Variants in SLC24A2 observed in about 807,000 individuals in gnomAD.
SLC24A2 encodes solute carrier family 24 member 2.
A neutral mutation model predicts 62.0 loss-of-function variants in SLC24A2; 36 were observed. That is an observed-to-expected ratio of 0.58 (90% CI 0.44 to 0.77). The LOEUF (loss-of-function observed/expected upper bound fraction) is 0.77. Among genes scored for constraint, SLC24A2 ranks in the 30% least tolerant of loss-of-function variants. The pLI, the probability that SLC24A2 is intolerant of heterozygous loss-of-function variation, is 0.00. For missense variants in SLC24A2, 846 were observed against 817.9 expected (o/e 1.03, Z -0.42); for synonymous variants, 358 against 294.0 (o/e 1.22, Z -2.23).
chr9:19,636,335 C>CTTTCTTTCTTTG, intron 2 of SLC24A2, among the ~76,000 whole-genome samples: 1 of 24,058 alleles, frequency 4.2e-5, no homozygotes, highest in Middle Eastern at 0.019. Context: ...TTCTTTCTTT[C>CTTTCTTTCTTTG]TTTCTTTCTT....
intron 4 of SLC24A2, among the ~76,000 whole-genome samples, chr9:19,601,536 C>T (rs1350945897): frequency 6.6e-6 from 1 of 152,164 alleles, no homozygotes; most frequent in African/African-American, 2.4e-5. Context: ...TTCTGGAAGT[C>T]AGAGAGACCA....
chr9:19,763,463 T>C (rs559036576), intron 2 of SLC24A2, among the ~76,000 whole-genome samples: 24 of 152,352 alleles, frequency 1.6e-4, no homozygotes, highest in Non-Finnish European at 4.4e-5. Flanking sequence ...TTGTCATAAA[T>C]AGCTCTTATT....
At chr9:19,718,961 G>A (rs906137235) in intron 2 of SLC24A2, among the ~76,000 whole-genome samples, 1 of 152,202 alleles carries the variant, frequency 6.6e-6, no homozygotes, top group East Asian at 1.9e-4. Context: ...AACTATTTGA[G>A]AAAGAAGAAT....
intron 7 of SLC24A2, among the ~76,000 whole-genome samples, chr9:19,559,982 C>T (rs895677574): frequency 6.6e-6 from 1 of 152,164 alleles, no homozygotes; most frequent in African/African-American, 2.4e-5. Flanking sequence ...CCTGACCTCA[C>T]AATCTCTAAG....
the SLC24A2 span, among the ~76,000 whole-genome samples, chr9:19,953,147 G>C: frequency 2.0e-5 from 3 of 151,792 alleles, no homozygotes; most frequent in African/African-American, 7.2e-5. Flanking sequence ...GGTAATTTGT[G>C]TCTTCCCTGT....
At chr9:19,861,361 C>T in the SLC24A2 span, among the ~76,000 whole-genome samples, 10 of 152,326 alleles carry the variant, frequency 6.6e-5, no homozygotes, top group African/African-American at 2.4e-4. Context: ...TACAAGTCTG[C>T]AAGAACCACA....
At chr9:19,883,078 G>T in the SLC24A2 span, among the ~76,000 whole-genome samples, 1 of 152,124 alleles carries the variant, frequency 6.6e-6, no homozygotes, top group South Asian at 2.1e-4. Flanking sequence ...AAACATTTGT[G>T]ACTTAGAATA....
At chr9:20,212,375 G>T in the SLC24A2 span, among the ~76,000 whole-genome samples, 1 of 151,782 alleles carries the variant, frequency 6.6e-6, no homozygotes, top group Non-Finnish European at 1.5e-5. Context: ...TTGGGGCCAG[G>T]CATGATGGCT....
chr9:20,164,557 A>C, the SLC24A2 span, among the ~76,000 whole-genome samples: 266 of 148,794 alleles, frequency 1.8e-3, 4 homozygotes, highest in African/African-American at 6.1e-3. Flanking sequence ...TAGTTCAACC[A>C]TTGTGGAAGT....
At chr9:20,289,179 G>A in the SLC24A2 span, among the ~76,000 whole-genome samples, 1 of 152,188 alleles carries the variant, frequency 6.6e-6, no homozygotes, top group East Asian at 1.9e-4. Flanking sequence ...GGGGCAGTTT[G>A]TGATACAGCC....
At chr9:19,563,452 T>A (rs113833624) in intron 7 of SLC24A2, among the ~76,000 whole-genome samples, 3 of 152,312 alleles carry the variant, frequency 2.0e-5, no homozygotes, top group African/African-American at 4.8e-5. Flanking sequence ...ACCTCACCAC[T>A]GCTAAGCACT....
the SLC24A2 span, among the ~76,000 whole-genome samples, chr9:20,140,392 T>C: frequency 6.6e-6 from 1 of 152,314 alleles, no homozygotes; most frequent in East Asian, 1.9e-4. Flanking sequence ...GGGTGCCTGC[T>C]GCAGTTGGTG....
intron 7 of SLC24A2, 59 bp downstream of exon 7, chr9:19,573,292 C>T: frequency 8.5e-7 from 1 of 1,174,612 alleles, no homozygotes; most frequent in South Asian, 1.2e-5. Flanking sequence ...GTCTGTGCTG[C>T]CACGCTAGGA....
At chr9:20,041,159 C>T in the SLC24A2 span, among the ~76,000 whole-genome samples, 4 of 151,698 alleles carry the variant, frequency 2.6e-5, no homozygotes, top group East Asian at 2.0e-4. Flanking sequence ...TACGCGTGCG[C>T]GCGTGCGCAC....
At chr9:20,113,089 T>A in the SLC24A2 span, among the ~76,000 whole-genome samples, 1 of 151,988 alleles carries the variant, frequency 6.6e-6, no homozygotes, top group African/African-American at 2.4e-5. Flanking sequence ...TTTTGGGGCA[T>A]AGAACCCTCT....
chr9:20,094,300 T>C, the SLC24A2 span, among the ~76,000 whole-genome samples: 2 of 152,178 alleles, frequency 1.3e-5, no homozygotes, highest in African/African-American at 4.8e-5. Flanking sequence ...GGAAAACCCT[T>C]TTTTACTTGA....
At chr9:19,716,282 T>A (rs764001615) in intron 2 of SLC24A2, among the ~76,000 whole-genome samples, 20 of 152,212 alleles carry the variant, frequency 1.3e-4, no homozygotes, top group Non-Finnish European at 1.6e-4. Context: ...AGCTCTACTT[T>A]TGCAGCAACT....
the SLC24A2 span, among the ~76,000 whole-genome samples, chr9:19,866,106 C>A: frequency 6.6e-6 from 1 of 152,150 alleles, no homozygotes; most frequent in Non-Finnish European, 1.5e-5. Context: ...AGGTGCTCAA[C>A]ATCATTAAAC....
the SLC24A2 span, among the ~76,000 whole-genome samples, chr9:19,943,448 T>A: frequency 2.0e-5 from 3 of 152,276 alleles, no homozygotes; most frequent in Non-Finnish European, 4.4e-5. Context: ...TCATTATATT[T>A]CTTAGGTCCC....
Sources: gnomAD v4.1 joint callset for allele counts (sites outside exome capture counted in the v4.1 genomes callset) on GRCh38, gnomAD v4.1.1 for gene constraint, MANE v1.5 for transcripts, NCBI Gene and HGNC (gene_info 2026-07-23, HGNC 2026-07-21) for gene names.